The following CCDC149 variants were observed in gnomAD, a reference collection of about 807,000 sequenced individuals.
CCDC149 encodes coiled-coil domain containing 149.
A neutral mutation model predicts 59.9 loss-of-function variants in CCDC149; 45 were observed. That is an observed-to-expected ratio of 0.75 (90% CI 0.59 to 0.96). The LOEUF (loss-of-function observed/expected upper bound fraction) is 0.96. CCDC149 is among the 40% of genes least tolerant of loss of function. The probability of loss-of-function intolerance (pLI) is 0.00; values close to 1 mark genes in which losing one functional copy is unlikely to be tolerated. For synonymous variants in CCDC149, 245 were observed against 260.6 expected, an observed-to-expected ratio of 0.94 and a Z score of 0.58; for missense variants, 584 against 664.7, an observed-to-expected ratio of 0.88 and a Z score of 1.33.
At chr4:24,875,938 C>T (rs1444812286) in intron 2 of CCDC149, among the ~76,000 whole-genome samples, 2 of 152,102 alleles carry the variant, frequency 1.3e-5, no homozygotes, top group Non-Finnish European at 2.9e-5. Flanking sequence ...ATGGTCCAAA[C>T]ATGTTAAATA....
chr4:24,863,928 T>A (rs1201914023), intron 3 of CCDC149, among the ~76,000 whole-genome samples: 1 of 152,200 alleles, frequency 6.6e-6, no homozygotes, highest in Admixed American at 6.5e-5. Flanking sequence ...CCCAAATGCA[T>A]AAGGGACAAA....
At chr4:24,974,821 C>T (rs1229777895) in intron 1 of CCDC149, among the ~76,000 whole-genome samples, 2 of 149,964 alleles carry the variant, frequency 1.3e-5, no homozygotes, top group African/African-American at 2.5e-5. Context: ...TCTGGAGAGA[C>T]TGGGAAAAAG....
At chr4:24,866,735 A>G (rs2109221686) in intron 3 of CCDC149, among the ~76,000 whole-genome samples, 1 of 151,726 alleles carries the variant, frequency 6.6e-6, no homozygotes, top group Non-Finnish European at 1.5e-5. Context: ...CTACATTTCT[A>G]GAACTACAAA....
chr4:24,930,481 C>CT (rs1277775375), intron 1 of CCDC149, among the ~76,000 whole-genome samples: 2 of 152,178 alleles, frequency 1.3e-5, no homozygotes, highest in Non-Finnish European at 2.9e-5. Flanking sequence ...AATAAATAGG[C>CT]TTTACTATTG....
chr4:24,903,046 A>AAG (rs1721269379), intron 1 of CCDC149, among the ~76,000 whole-genome samples: 1 of 148,756 alleles, frequency 6.7e-6, no homozygotes, highest in Non-Finnish European at 1.5e-5. Context: ...AAAAAAAAAA[A>AAG]AGAGTATTTT....
intron 1 of CCDC149, among the ~76,000 whole-genome samples, chr4:24,955,028 C>T (rs1269595702): frequency 6.6e-6 from 1 of 152,120 alleles, no homozygotes; most frequent in East Asian, 1.9e-4. Flanking sequence ...TGCCTTGCTG[C>T]TGGTATTTGT....
intron 1 of CCDC149, among the ~76,000 whole-genome samples, chr4:24,884,517 C>T (rs1720041919): frequency 6.6e-6 from 1 of 152,162 alleles, no homozygotes; most frequent in African/African-American, 2.4e-5. Flanking sequence ...AGCTGATTAT[C>T]ATTCACTAAT....
chr4:24,873,041 C>T (rs1719146886), intron 3 of CCDC149, among the ~76,000 whole-genome samples: 1 of 151,468 alleles, frequency 6.6e-6, no homozygotes, highest in Non-Finnish European at 1.5e-5. Context: ...AAATGGTATG[C>T]ACCCACCAAA....
At chr4:24,938,952 G>A (rs529380652) in intron 1 of CCDC149, among the ~76,000 whole-genome samples, 47 of 152,360 alleles carry the variant, frequency 3.1e-4, no homozygotes, top group African/African-American at 1.1e-3. Context: ...TGCCTCTGTA[G>A]GCTCCACCTC....
Position 24,978,867 on chromosome 4 carries a change from C to A in CCDC149, c.-65+1202G>T, listed in dbSNP as rs990183585. Among the ~76,000 whole-genome samples, 7 of 152,182 alleles carry A rather than the reference C, an allele frequency of 4.6e-5. No individual in the cohort carries two copies. The East Asian group carries it at 5.8e-4, about 13-fold the overall frequency. ...AGTCTGCTGGCTTCTCTGACCTGGG[C>A]GTGTCTTTAGGATTTCTCAATAGGA... On this transcript the variant is annotated intron_variant, in intron 1 of 12. Coordinates refer to the CCDC149 transcript ENST00000389609.
At chr4:24,840,331 G>C (rs1577399497) in intron 4 of CCDC149, among the ~76,000 whole-genome samples, 1 of 152,296 alleles carries the variant, frequency 6.6e-6, no homozygotes, top group East Asian at 1.9e-4. Context: ...ATGTGCAGAT[G>C]GCTGCACTTG....
At chr4:24,864,121 G>A (rs148658766) in intron 3 of CCDC149, among the ~76,000 whole-genome samples, 19 of 152,264 alleles carry the variant, frequency 1.2e-4, no homozygotes, top group Admixed American at 5.2e-4. Context: ...GGCGTGGGCC[G>A]GGCTAACTTT....
intron 12 of CCDC149, among the ~76,000 whole-genome samples, chr4:24,810,615 T>G (rs1306265732): frequency 2.0e-5 from 3 of 152,204 alleles, no homozygotes; most frequent in Non-Finnish European, 4.4e-5. Flanking sequence ...GATTTACCCA[T>G]GTTTATGAGT....
intron 1 of CCDC149, among the ~76,000 whole-genome samples, chr4:24,903,261 C>T (rs1560247410): frequency 6.6e-6 from 1 of 152,126 alleles, no homozygotes; most frequent in Middle Eastern, 3.4e-3. Flanking sequence ...TATAAGGGCA[C>T]AGTTGAGTCT....
intron 1 of CCDC149, among the ~76,000 whole-genome samples, chr4:24,964,643 A>G (rs1337361309): frequency 6.6e-6 from 1 of 152,214 alleles, no homozygotes; most frequent in African/African-American, 2.4e-5. Flanking sequence ...GAGAATAGTG[A>G]AAGTGGAATT....
At chr4:24,926,263 C>T (rs976583551) in intron 1 of CCDC149, among the ~76,000 whole-genome samples, 17 of 152,170 alleles carry the variant, frequency 1.1e-4, no homozygotes, top group African/African-American at 3.6e-4. Context: ...TTATAGGGAA[C>T]AGAAAGAAGT....
At chr4:24,824,671 CT>C (rs1304572765) in intron 9 of CCDC149, among the ~76,000 whole-genome samples, 1 of 152,214 alleles carries the variant, frequency 6.6e-6, no homozygotes, top group African/African-American at 2.4e-5. Flanking sequence ...ATACTCCCCT[CT>C]TCCCATTAGG....
At chr4:24,912,738 G>C (rs1394888869) in intron 1 of CCDC149, 79 bp downstream of exon 1, 3 of 1,047,658 alleles carry the variant, frequency 2.9e-6, no homozygotes, top group Non-Finnish European at 3.6e-6. Flanking sequence ...CTCCCAGCTC[G>C]GCCTCTCTGG....
intron 1 of CCDC149, among the ~76,000 whole-genome samples, chr4:24,896,414 G>A (rs938515781): frequency 6.6e-5 from 10 of 152,206 alleles, no homozygotes; most frequent in African/African-American, 1.7e-4. Flanking sequence ...TTTTCTTAAT[G>A]AGAAGACCAT....
Sources: allele counts gnomAD v4.1 joint callset (sites outside exome capture counted in the v4.1 genomes callset), GRCh38; gene constraint gnomAD v4.1.1; transcripts MANE v1.5; gene names NCBI Gene and HGNC (gene_info 2026-07-23, HGNC 2026-07-21).